ARHGAP42: variants seen among roughly 807,000 people sequenced by gnomAD.
ARHGAP42 encodes Rho GTPase activating protein 42, also known as rho GTPase-activating protein 42.
ARHGAP42 carries 63 observed loss-of-function variants against 125.0 expected under a neutral mutation model. The ratio of observed to expected loss-of-function variants is 0.50; its 90% CI spans 0.41 to 0.62. The LOEUF is 0.62. Among genes scored for constraint, ARHGAP42 ranks in the 20% least tolerant of loss-of-function variants. ARHGAP42 has a pLI of 0.00. For synonymous variants in ARHGAP42, 339 were observed against 351.0 expected (o/e 0.97, Z 0.38); for missense variants, 766 against 1,024.2 (o/e 0.75, Z 3.44).
At chr11:100,798,012 G>A (rs1863763938) in intron 3 of ARHGAP42, among the ~76,000 whole-genome samples, 1 of 152,192 alleles carries the variant, frequency 6.6e-6, no homozygotes, top group Non-Finnish European at 1.5e-5. Flanking sequence ...CTATAGATGT[G>A]ATGGAAGATT....
Position 100,976,246 on chromosome 11 carries a change from C to G in ARHGAP42, c.2045C>G (p.Thr682Ser), listed in dbSNP as rs1199652671. ...NGQKSLGLWT[T>S]SPESSSREDA... ...CAGAAAAGCCTTGGTCTGTGGACAA[C>G]TAGTCCTGAATCAAGTTCCAGAGAA... is the stretch of plus-strand genomic sequence containing the variant. The change falls in exon 20 of 24, where the codon ACT becomes AGT. Residue 682 changes from threonine (T) to serine (S), a missense_variant. By Grantham distance (58) the Thr-to-Ser change is moderately conservative. Transcript: ENST00000298815. 9 of 1,551,524 alleles carry G rather than the reference C, an allele frequency of 5.8e-6. No homozygotes were observed. Among genetic ancestry groups the G allele is most frequent in the South Asian group, 3.6e-5 (3 of 84,046 alleles).
At chr11:100,912,386 A>G (rs1166133173) in intron 4 of ARHGAP42, among the ~76,000 whole-genome samples, 1 of 152,176 alleles carries the variant, frequency 6.6e-6, no homozygotes, top group Admixed American at 6.5e-5. Context: ...TTATAAACAC[A>G]TAATGAACTT....
In ARHGAP42 at chr11:100,920,947, A is replaced by T. The variant is rs556908862; in HGVS notation, c.487-547A>T. Among the ~76,000 whole-genome samples, 14 of 151,964 alleles carry T rather than the reference A, an allele frequency of 9.2e-5. No individual in the cohort carries two copies. The East Asian group carries it at 2.7e-3, about 29-fold the overall frequency. On this transcript the variant is annotated intron_variant, in intron 5 of 23. Transcript: ENST00000298815. ...CCTAATTTGTTATGCAGCATCCAAG[A>T]TACTTTATAGTATGATGCTATCCTC...
intron 4 of ARHGAP42, among the ~76,000 whole-genome samples, chr11:100,879,792 T>G (rs944013490): frequency 6.6e-6 from 1 of 152,186 alleles, no homozygotes; most frequent in Non-Finnish European, 1.5e-5. Flanking sequence ...AGTTTTCCTC[T>G]TTGATCATTT....
At chr11:100,736,314 G>C (rs1862066508) in intron 1 of ARHGAP42, among the ~76,000 whole-genome samples, 1 of 152,126 alleles carries the variant, frequency 6.6e-6, no homozygotes, top group Non-Finnish European at 1.5e-5. Context: ...TTCTTTATAT[G>C]GATGCATGCC....
chr11:100,768,438 C>T (rs935649865), intron 1 of ARHGAP42, among the ~76,000 whole-genome samples: 31 of 152,144 alleles, frequency 2.0e-4, no homozygotes, highest in African/African-American at 7.5e-4. Flanking sequence ...AAACTAGGCT[C>T]TGCAGGCCCA....
Position 100,938,740 on chromosome 11 carries a change from C to T in ARHGAP42, c.832+2408C>T, listed in dbSNP as rs1010039312. Among the ~76,000 whole-genome samples, 13 of 152,280 alleles carry T rather than the reference C, an allele frequency of 8.5e-5. No homozygotes were observed. In the South Asian group the frequency reaches 2.3e-3, roughly 27 times the overall value. On this transcript the variant is annotated intron_variant, in intron 8 of 23. Coordinates refer to ENST00000298815, the MANE Select transcript of ARHGAP42 (RefSeq NM_152432.4). ...AAAGAAAAAGGAATATATTTATATG[C>T]TTTTGGAATTATTTTATATGAGGAG...
At chr11:100,804,821 A>C (rs495604) in intron 3 of ARHGAP42, among the ~76,000 whole-genome samples, 32,406 of 152,114 alleles carry the variant, frequency 0.21, 4,475 homozygotes, top group African/African-American at 0.39. Flanking sequence ...CTAGATATTT[A>C]AGAAAGAAAA....
At chr11:100,970,136 T>C (rs1462628540) in intron 17 of ARHGAP42, among the ~76,000 whole-genome samples, 1 of 151,888 alleles carries the variant, frequency 6.6e-6, no homozygotes, top group Non-Finnish European at 1.5e-5. Flanking sequence ...TTACAGGCAC[T>C]CACCACCACA....
At chr11:100,897,116 T>C (rs1332595283) in intron 4 of ARHGAP42, among the ~76,000 whole-genome samples, 1 of 152,222 alleles carries the variant, frequency 6.6e-6, no homozygotes, top group Non-Finnish European at 1.5e-5. Flanking sequence ...CCATTTCTTG[T>C]TTTTGTCAGG....
intron 3 of ARHGAP42, among the ~76,000 whole-genome samples, chr11:100,848,927 G>A (rs759940399): frequency 7.2e-5 from 11 of 152,136 alleles, no homozygotes; most frequent in East Asian, 1.9e-4. Flanking sequence ...TGTACGCATC[G>A]TGATAAGTGC....
intron 22 of ARHGAP42, among the ~76,000 whole-genome samples, chr11:100,983,725 C>T (rs1284051563): frequency 6.6e-6 from 1 of 152,296 alleles, no homozygotes; most frequent in African/African-American, 2.4e-5. Context: ...TTTAACTCTA[C>T]AGGCTCAGGT....
At chr11:100,895,321 T>C (rs1866324409) in intron 4 of ARHGAP42, among the ~76,000 whole-genome samples, 1 of 152,154 alleles carries the variant, frequency 6.6e-6, no homozygotes, top group African/African-American at 2.4e-5. Context: ...CTCAGCACTA[T>C]TAACATTTTG....
At chr11:100,727,686 C>T (rs1014408085) in intron 1 of ARHGAP42, among the ~76,000 whole-genome samples, 1 of 152,162 alleles carries the variant, frequency 6.6e-6, no homozygotes, top group African/African-American at 2.4e-5. Context: ...CCTGTAACTC[C>T]ACAGGGACAG....
intron 1 of ARHGAP42, among the ~76,000 whole-genome samples, chr11:100,740,749 C>T (rs1156735824): frequency 6.6e-6 from 1 of 152,152 alleles, no homozygotes; most frequent in Non-Finnish European, 1.5e-5. Flanking sequence ...TGTTGAGTGT[C>T]AGATTTTGCT....
intron 4 of ARHGAP42, among the ~76,000 whole-genome samples, chr11:100,884,802 A>G (rs1866047829): frequency 6.6e-6 from 1 of 152,126 alleles, no homozygotes; most frequent in Non-Finnish European, 1.5e-5. Context: ...CTTCTTAGGT[A>G]TTCTCCTCCA....
intron 3 of ARHGAP42, among the ~76,000 whole-genome samples, chr11:100,797,891 C>G (rs1863758979): frequency 6.6e-6 from 1 of 152,136 alleles, no homozygotes. Context: ...GAAGTTGATT[C>G]TAGTGATTCC....
At chr11:100,889,215 G>A (rs1249511089) in intron 4 of ARHGAP42, among the ~76,000 whole-genome samples, 1 of 152,170 alleles carries the variant, frequency 6.6e-6, no homozygotes, top group Non-Finnish European at 1.5e-5. Flanking sequence ...ATTAAAGAGT[G>A]CTATGGTCTG....
intron 4 of ARHGAP42, among the ~76,000 whole-genome samples, chr11:100,907,834 A>G (rs1866785984): frequency 6.6e-6 from 1 of 152,134 alleles, no homozygotes; most frequent in Admixed American, 6.5e-5. Context: ...GTATTTTCAG[A>G]GCCTAGCACC....
Sources: allele counts gnomAD v4.1 joint callset (sites outside exome capture counted in the v4.1 genomes callset), GRCh38; gene constraint gnomAD v4.1.1; transcripts MANE v1.5; gene names NCBI Gene and HGNC (gene_info 2026-07-23, HGNC 2026-07-21).